Variants in CMSS1 observed in about 807,000 individuals in gnomAD.
CMSS1 encodes the protein cms1 ribosomal small subunit homolog, also known as protein CMSS1.
CMSS1 carries 33 observed loss-of-function variants against 43.5 expected under a neutral mutation model. The ratio of observed to expected loss-of-function variants is 0.76; its 90% CI spans 0.57 to 1.01. The LOEUF is 1.01. CMSS1 is among the 50% of genes least tolerant of loss of function. CMSS1 has a pLI of 0.00. For missense variants in CMSS1, 313 were observed against 326.4 expected, an observed-to-expected ratio of 0.96 and a Z score of 0.32; for synonymous variants, 115 against 117.2, an observed-to-expected ratio of 0.98 and a Z score of 0.12.
At chr3:100,170,136 C>T (rs2067098167) in intron 6 of CMSS1, among the ~76,000 whole-genome samples, 1 of 152,156 alleles carries the variant, frequency 6.6e-6, no homozygotes, top group East Asian at 1.9e-4. Context: ...AAATTGTCTT[C>T]CTGGTTAACC....
intron 2 of CMSS1, chr3:100,159,884 C>G (rs2067007970): frequency 2.2e-6 from 1 of 456,416 alleles, no homozygotes; most frequent in Admixed American, 2.4e-5. Context: ...GTCATTATAG[C>G]AAAGGCATTT....
At position 100,179,888 on chromosome 3, in the gene CMSS1, C is replaced by A. The variant is rs2067174406; in HGVS notation, c.*1500C>A. ...GCTTCACCCCTGTAGCAGACTTCTG[C>A]CTGGACATCCAGGCGTTTCCATACA... On this transcript the variant is annotated 3_prime_UTR_variant, in exon 10 of 10. Transcript: ENST00000421999. The A allele has an allele frequency of 6.6e-6, 1 of 152,360 alleles. No individual in the cohort carries two copies. Among genetic ancestry groups the A allele is most frequent in the African/African-American group, 2.4e-5 (1 of 41,466 alleles). The allele number at this position is 152,360 out of a possible 1,614,324, so 9.4% of individuals were successfully genotyped here.
intron 1 of CMSS1, among the ~76,000 whole-genome samples, chr3:99,852,069 T>C (rs1221148911): frequency 6.6e-6 from 1 of 152,244 alleles, no homozygotes; most frequent in Non-Finnish European, 1.5e-5. Context: ...TGTTTTAAAT[T>C]TGTCAGCATA....
chr3:100,162,469 C>T, intron 4 of CMSS1, 37 bp downstream of exon 4: 1 of 1,594,386 alleles, frequency 6.3e-7, no homozygotes, highest in Non-Finnish European at 8.6e-7. Context: ...AGACAAGGAG[C>T]AAAACATAAG....
At chr3:100,114,791 A>G (rs2066543166) in intron 1 of CMSS1, 1 of 549,840 alleles carries the variant, frequency 1.8e-6, no homozygotes, top group Admixed American at 3.2e-5. Context: ...CCCTGCAGCC[A>G]TGAGCTGATG....
intron 1 of CMSS1, among the ~76,000 whole-genome samples, chr3:100,017,263 G>A (rs565981712): frequency 1.6e-3 from 241 of 152,284 alleles, no homozygotes; most frequent in African/African-American, 5.3e-3. Context: ...TATACAGAGC[G>A]GAAAGCACTA....
intron 1 of CMSS1, among the ~76,000 whole-genome samples, chr3:100,115,875 G>A (rs539741820): frequency 2.0e-5 from 3 of 152,138 alleles, no homozygotes; most frequent in African/African-American, 2.4e-5. Flanking sequence ...TTTAGTCCAC[G>A]ATTATGTGTT....
intron 1 of CMSS1, among the ~76,000 whole-genome samples, chr3:99,881,801 G>C (rs1044513571): frequency 1.3e-5 from 2 of 152,080 alleles, no homozygotes; most frequent in African/African-American, 4.8e-5. Flanking sequence ...CCAAAGTGCT[G>C]GGATTATAGG....
At chr3:100,067,265 A>G (rs915648306) in intron 1 of CMSS1, among the ~76,000 whole-genome samples, 27 of 152,194 alleles carry the variant, frequency 1.8e-4, no homozygotes, top group Admixed American at 1.3e-4. Flanking sequence ...CTGAATTACC[A>G]TGACCTTTTC....
At chr3:100,057,808 G>GT (rs1326537550) in intron 1 of CMSS1, among the ~76,000 whole-genome samples, 3 of 152,064 alleles carry the variant, frequency 2.0e-5, no homozygotes, top group African/African-American at 7.2e-5. Flanking sequence ...CAAACCCTAG[G>GT]TTTTTTTAAC....
intron 1 of CMSS1, among the ~76,000 whole-genome samples, chr3:100,113,793 T>G (rs1437664832): frequency 2.6e-5 from 4 of 152,234 alleles, no homozygotes; most frequent in African/African-American, 9.6e-5. Context: ...ATTTAAAGTT[T>G]CATTTTGGTT....
intron 1 of CMSS1, among the ~76,000 whole-genome samples, chr3:99,989,448 A>G (rs1288396601): frequency 1.3e-5 from 2 of 152,114 alleles, no homozygotes; most frequent in Non-Finnish European, 2.9e-5. Flanking sequence ...TTTTCTGGAG[A>G]CCCAAAACTA....
chr3:99,861,661 C>A (rs1424944110), intron 1 of CMSS1, among the ~76,000 whole-genome samples: 1 of 152,126 alleles, frequency 6.6e-6, no homozygotes, highest in East Asian at 1.9e-4. Flanking sequence ...TCCCTATTAC[C>A]CCCAGCAAGA....
chr3:99,987,090 C>T (rs552842882), intron 1 of CMSS1, among the ~76,000 whole-genome samples: 1 of 151,912 alleles, frequency 6.6e-6, no homozygotes, highest in Admixed American at 6.6e-5. Context: ...ATTAGCCAAC[C>T]GTGGTGGCAT....
chr3:99,990,017 G>A (rs1709465890), intron 1 of CMSS1, among the ~76,000 whole-genome samples: 1 of 152,128 alleles, frequency 6.6e-6, no homozygotes, highest in Non-Finnish European at 1.5e-5. Flanking sequence ...ATATTAAGAA[G>A]TATGAGTCTT....
chr3:99,927,224 C>A (rs188026534), intron 1 of CMSS1, among the ~76,000 whole-genome samples: 1 of 152,166 alleles, frequency 6.6e-6, no homozygotes, highest in Admixed American at 6.5e-5. Context: ...TATTAACTAA[C>A]TAAATGAATA....
At chr3:100,078,773 C>G (rs566639700) in intron 1 of CMSS1, among the ~76,000 whole-genome samples, 1 of 152,046 alleles carries the variant, frequency 6.6e-6, no homozygotes, top group Non-Finnish European at 1.5e-5. Flanking sequence ...TGCCTGTAAT[C>G]CAAGCTACTC....
chr3:100,138,687 C>A (rs563442787), intron 1 of CMSS1, among the ~76,000 whole-genome samples: 2 of 151,480 alleles, frequency 1.3e-5, no homozygotes, highest in African/African-American at 4.8e-5. Flanking sequence ...AGTCAAGAAA[C>A]AATAGATGCT....
intron 1 of CMSS1, among the ~76,000 whole-genome samples, chr3:100,085,007 G>A (rs1242232968): frequency 1.3e-5 from 2 of 152,164 alleles, no homozygotes; most frequent in African/African-American, 4.8e-5. Context: ...TCTGTCATTT[G>A]TTGAATTGTG....
Sources: allele counts gnomAD v4.1 joint callset (sites outside exome capture counted in the v4.1 genomes callset), GRCh38; gene constraint gnomAD v4.1.1; transcripts MANE v1.5; gene names NCBI Gene and HGNC (gene_info 2026-07-23, HGNC 2026-07-21).